Variants in SEMA3A observed in about 807,000 individuals in gnomAD.
The protein encoded by SEMA3A is semaphorin 3A, also known as semaphorin-3A.
SEMA3A carries 29 observed loss-of-function variants against 97.9 expected under a neutral mutation model. The ratio of observed to expected loss-of-function variants is 0.30; its 90% CI spans 0.22 to 0.40. The LOEUF is 0.40. Among genes scored for constraint, SEMA3A ranks in the 10% least tolerant of loss-of-function variants. SEMA3A has a pLI of 1.00. For synonymous variants in SEMA3A, 321 were observed against 323.7 expected (o/e 0.99, Z 0.09); for missense variants, 763 against 951.3 (o/e 0.80, Z 2.60).
intron 15 of SEMA3A, among the ~76,000 whole-genome samples, chr7:83,968,396 G>A (rs956895575): frequency 6.6e-6 from 1 of 152,104 alleles, no homozygotes; most frequent in South Asian, 2.1e-4. Context: ...TTTTTGATAT[G>A]ATATTGATTG....
chr7:84,201,968 T>A (rs929275), intron 3 of SEMA3A, among the ~76,000 whole-genome samples: 33 of 152,012 alleles, frequency 2.2e-4, no homozygotes, highest in Admixed American at 1.9e-3. Flanking sequence ...AACGATGTTC[T>A]CCCAATGCAA....
chr7:84,311,214 C>G (rs80054617), intron 2 of SEMA3A, among the ~76,000 whole-genome samples: 4,124 of 151,998 alleles, frequency 0.027, 192 homozygotes, highest in African/African-American at 0.094. Flanking sequence ...CAAAATATAA[C>G]CTTCTGGCCA....
At chr7:84,426,848 C>G (rs1239971578) in intron 1 of SEMA3A, among the ~76,000 whole-genome samples, 1 of 152,004 alleles carries the variant, frequency 6.6e-6, no homozygotes, top group South Asian at 2.1e-4. Flanking sequence ...TCTTAATCTC[C>G]TTTGGAAGGT....
At chr7:84,199,627 AT>A (rs768417859), upstream of SEMA3A, among the ~76,000 whole-genome samples, 1 of 152,072 alleles carries the variant, frequency 6.6e-6, no homozygotes, top group African/African-American at 2.4e-5. Flanking sequence ...AATCAACAGA[AT>A]TTCAGCAAAT....
At chr7:84,413,652 AC>A (rs2116257236) in intron 1 of SEMA3A, among the ~76,000 whole-genome samples, 1 of 152,210 alleles carries the variant, frequency 6.6e-6, no homozygotes, top group East Asian at 1.9e-4. Flanking sequence ...AAACAAACAA[AC>A]AAAAAAACAC....
intron 1 of SEMA3A, among the ~76,000 whole-genome samples, chr7:84,398,363 T>A (rs1281769158): frequency 6.6e-6 from 1 of 152,212 alleles, no homozygotes; most frequent in Non-Finnish European, 1.5e-5. Context: ...ATTAATATTA[T>A]TGTAGCACGT....
At chr7:84,204,049 C>T (rs1798426825) in intron 3 of SEMA3A, among the ~76,000 whole-genome samples, 2 of 152,168 alleles carry the variant, frequency 1.3e-5, no homozygotes, top group Admixed American at 6.5e-5. Flanking sequence ...AAAGACTCCT[C>T]TTCAGATTTA....
At chr7:84,154,723 G>T (rs1796788362) in intron 1 of SEMA3A, among the ~76,000 whole-genome samples, 2 of 149,358 alleles carry the variant, frequency 1.3e-5, no homozygotes, top group Non-Finnish European at 1.5e-5. Flanking sequence ...GACAGATGAT[G>T]ACATTAGTGC....
intron 1 of SEMA3A, among the ~76,000 whole-genome samples, chr7:84,141,928 A>G (rs1392855132): frequency 6.6e-6 from 1 of 152,136 alleles, no homozygotes; most frequent in East Asian, 1.9e-4. Flanking sequence ...AACAAGATGC[A>G]TGTACTTGAG....
At chr7:84,090,738 A>G (rs2691700) in intron 4 of SEMA3A, among the ~76,000 whole-genome samples, 125,270 of 151,836 alleles carry the variant, frequency 0.83, 51,856 homozygotes, top group African/African-American at 0.89. Flanking sequence ...ATATTATCAA[A>G]TATGTAAAAT....
At chr7:84,436,038 C>A (rs1243190994) in intron 1 of SEMA3A, among the ~76,000 whole-genome samples, 2 of 152,106 alleles carry the variant, frequency 1.3e-5, no homozygotes, top group Non-Finnish European at 2.9e-5. Context: ...ACACCTAAAA[C>A]TATCTGATGT....
rs2116234391 is a variant in SEMA3A, at chr7:83,958,673, TC to T, written c.*2697del. ...CTCTTTTTCTCCCAAATTATTTACATCTTTTTTTTGCCTAATGTGTAGGTAG... is the reference window on the plus strand; with the variant it reads ...CTCTTTTTCTCCCAAATTATTTACATTTTTTTTTGCCTAATGTGTAGGTAG... On this transcript the variant is annotated 3_prime_UTR_variant, in exon 17 of 17. Coordinates refer to ENST00000265362, the MANE Select transcript of SEMA3A (RefSeq NM_006080.3). The T allele has an allele frequency of 1.3e-5, 2 of 152,624 alleles. 1 individual carries two copies. Among genetic ancestry groups the T allele is most frequent in the Admixed American group, 1.3e-4 (2 of 15,272 alleles). The allele number at this position is 152,624 out of a possible 1,614,324, so 9.5% of individuals were successfully genotyped here. A position where few individuals can be genotyped will look rare whatever the true frequency, so the allele number is the denominator to read the frequency against.
At chr7:84,298,138 T>C (rs1377505373) in intron 3 of SEMA3A, among the ~76,000 whole-genome samples, 2 of 152,304 alleles carry the variant, frequency 1.3e-5, no homozygotes, top group South Asian at 4.1e-4. Flanking sequence ...TCACTGGTAC[T>C]GTAGATATTT....
intron 1 of SEMA3A, among the ~76,000 whole-genome samples, chr7:84,393,055 C>T (rs1018265823): frequency 1.9e-4 from 29 of 152,150 alleles, no homozygotes; most frequent in African/African-American, 6.5e-4. Flanking sequence ...TGGATATAAT[C>T]GCATTTGTCT....
chr7:84,452,627 A>T (rs186426675), intron 1 of SEMA3A, among the ~76,000 whole-genome samples: 1,717 of 152,350 alleles, frequency 0.011, 16 homozygotes, highest in Non-Finnish European at 0.016. Flanking sequence ...TGTATAAAAA[A>T]TAGTTTTAAA....
At chr7:84,390,988 G>A (rs971553541) in intron 1 of SEMA3A, among the ~76,000 whole-genome samples, 2 of 152,100 alleles carry the variant, frequency 1.3e-5, no homozygotes, top group Admixed American at 1.3e-4. Context: ...GTTAACACAG[G>A]CCCTCTCTGC....
At chr7:84,449,885 C>G (rs141177314) in intron 1 of SEMA3A, among the ~76,000 whole-genome samples, 1 of 152,236 alleles carries the variant, frequency 6.6e-6, no homozygotes, top group African/African-American at 2.4e-5. Context: ...TCCTCAAAGT[C>G]CATCCACGTT....
intron 3 of SEMA3A, among the ~76,000 whole-genome samples, chr7:84,262,757 G>A (rs979210589): frequency 3.3e-5 from 5 of 152,026 alleles, no homozygotes; most frequent in African/African-American, 1.2e-4. Context: ...ACCAATTCTG[G>A]GTAGACTAGT....
At chr7:84,309,007 G>T (rs1266202135) in intron 2 of SEMA3A, among the ~76,000 whole-genome samples, 1 of 151,774 alleles carries the variant, frequency 6.6e-6, no homozygotes, top group Non-Finnish European at 1.5e-5. Context: ...TAGTATAGAC[G>T]GGGTTTCATC....
Sources: gnomAD v4.1 joint callset for allele counts (sites outside exome capture counted in the v4.1 genomes callset) on GRCh38, gnomAD v4.1.1 for gene constraint, MANE v1.5 for transcripts, NCBI Gene and HGNC (gene_info 2026-07-23, HGNC 2026-07-21) for gene names.